Variants in MICALL2 observed in about 807,000 individuals in gnomAD.
MICALL2 encodes the protein MICAL-like protein 2.
Under a neutral mutation model 91.1 loss-of-function variants are expected in MICALL2, and 111 were observed. The ratio of observed to expected loss-of-function variants is 1.22; its 90% CI spans 1.04 to 1.43. The LOEUF is 1.43. Ranked by LOEUF, MICALL2 falls within the 40% of genes most tolerant of loss-of-function variation. MICALL2 has a pLI of 0.00. For synonymous variants in MICALL2, 694 were observed against 525.3 expected (o/e 1.32, Z -4.39); for missense variants, 1,556 against 1,236.0 (o/e 1.26, Z -3.88).
At chr7:1,442,659 C>G (rs953014147) in intron 6 of MICALL2, among the ~76,000 whole-genome samples, 175 bp from the exon 7 acceptor site, 3 of 149,500 alleles carry the variant, frequency 2.0e-5, no homozygotes, top group African/African-American at 7.4e-5. Flanking sequence ...CAGGCCACCC[C>G]TCCGCCTCCC....
rs1018670838 is a variant in MICALL2, at chr7:1,437,759, CA to C, written c.2402+130del. The C allele has an allele frequency of 3.0e-5, 37 of 1,216,292 alleles. No homozygotes were observed. The African/African-American group carries it at 5.5e-4, about 18-fold the overall frequency. 75.3% of individuals were successfully genotyped at this position (1,216,292 alleles called of 1,614,324 possible). A position where few individuals can be genotyped will look rare whatever the true frequency, so the allele number is the denominator to read the frequency against. ...TCCCCCGCCTGGCCCACCCAGACCG[CA>C]ACGAGGTCCTGGACCTGCCGCACAG... On this transcript the variant is annotated intron_variant, in intron 13 of 16. Coordinates refer to ENST00000297508, the MANE Select transcript of MICALL2 (RefSeq NM_182924.4).
chr7:1,437,736 C>A (rs1204060925), intron 13 of MICALL2, 128 bp from the exon 14 acceptor site: 8 of 1,232,190 alleles, frequency 6.5e-6, no homozygotes, highest in Non-Finnish European at 9.2e-6. Context: ...GCCGCCCGTC[C>A]CCCGCCTGGC....
chr7:1,455,194 C>A (rs1780969272), intron 1 of MICALL2, among the ~76,000 whole-genome samples: 1 of 152,236 alleles, frequency 6.6e-6, no homozygotes, highest in Non-Finnish European at 1.5e-5. Flanking sequence ...GAGGGCTGTG[C>A]CTGGAGACCT....
chr7:1,445,507 G>A, intron 5 of MICALL2, 79 bp from the exon 6 acceptor site: 3 of 1,342,756 alleles, frequency 2.2e-6, no homozygotes, highest in African/African-American at 1.5e-5. Flanking sequence ...CCTGATAGCA[G>A]GCATTGCGGA....
chr7:1,442,156 C>G, intron 7 of MICALL2, 36 bp downstream of exon 7: 1 of 1,603,500 alleles, frequency 6.2e-7, no homozygotes, highest in Non-Finnish European at 8.5e-7. Flanking sequence ...GAGCTGCGGG[C>G]CCCCGGGGCC....
At position 1,459,452 on chromosome 7, in the gene MICALL2, G is replaced by C; in HGVS notation, c.-126C>G. The C allele has an allele frequency of 1.1e-6, 1 of 926,688 alleles. No homozygotes were observed. The highest frequency in any genetic ancestry group is 1.5e-6 in the Non-Finnish European group (1 of 683,272). The allele number at this position is 926,688 out of a possible 1,614,324, so 57.4% of individuals were successfully genotyped here. ...GGAACCGCCAGACCCACGGCGCCCA[G>C]CCCCAGCTGAGCCGGACTGAGGGCG... On this transcript the variant is annotated 5_prime_UTR_variant, in exon 1 of 17. Coordinates refer to ENST00000297508, the MANE Select transcript of MICALL2 (RefSeq NM_182924.4).
At chr7:1,443,965 G>C (rs1444129246) in intron 6 of MICALL2, among the ~76,000 whole-genome samples, 1 of 152,102 alleles carries the variant, frequency 6.6e-6, no homozygotes, top group Non-Finnish European at 1.5e-5. Context: ...TCAGGGCCTG[G>C]CTGGACTCAG....
chr7:1,439,534 TGGACACGC>T (rs1224420460), intron 9 of MICALL2: 1 of 202,984 alleles, frequency 4.9e-6, no homozygotes, highest in East Asian at 1.2e-4. Flanking sequence ...CACAGACACA[TGGACACGC>T]ATCACACATG....
At chr7:1,434,822 C>A in intron 16 of MICALL2, 150 bp from the exon 17 acceptor site, 1 of 850,978 alleles carries the variant, frequency 1.2e-6, no homozygotes, top group Non-Finnish European at 1.8e-6. Context: ...TGTGCCCTCC[C>A]ACGTGAGAAC....
At chr7:1,442,897 G>A (rs1442692686) in intron 6 of MICALL2, among the ~76,000 whole-genome samples, 2 of 152,078 alleles carry the variant, frequency 1.3e-5, no homozygotes, top group African/African-American at 4.8e-5. Context: ...GGGCCGGCCT[G>A]GGCTGCCAGG....
chr7:1,456,324 A>G (rs370367519), intron 1 of MICALL2, among the ~76,000 whole-genome samples: 1 of 152,004 alleles, frequency 6.6e-6, no homozygotes, highest in Non-Finnish European at 1.5e-5. Flanking sequence ...GCTCGCGCCC[A>G]TAACCCCAGA....
Position 1,459,361 on chromosome 7 carries a change from C to T in MICALL2, c.-35G>A. On this transcript the variant is annotated 5_prime_UTR_variant, in exon 1 of 17. Coordinates refer to ENST00000297508, the MANE Select transcript of MICALL2 (RefSeq NM_182924.4). ...GCGCCCGCCGCGCGGCGGAACCGCCCTCCGACACCTTCCCGCGGCTGTGCC... is the reference window on the plus strand; with the variant it reads ...GCGCCCGCCGCGCGGCGGAACCGCCTTCCGACACCTTCCCGCGGCTGTGCC... 6.9e-7 allele frequency: 1 copy of T among 1,455,992 alleles called. No homozygotes were observed. Among genetic ancestry groups the T allele is most frequent in the Non-Finnish European group, 9.1e-7 (1 of 1,104,582 alleles). The allele number at this position is 1,455,992 out of a possible 1,614,324, so 90.2% of individuals were successfully genotyped here.
Position 1,437,872 on chromosome 7 carries a change from C to A in MICALL2, c.2402+18G>T. 1 of 1,546,870 alleles carries A rather than the reference C, an allele frequency of 6.5e-7. No individual in the cohort carries two copies. The highest frequency in any genetic ancestry group is 8.7e-7 in the Non-Finnish European group (1 of 1,145,192). ...GAGGTCCTGGCCTTCGAGGAGGGGC[C>A]CACGGCTGGGCTCTCACTTGTACAT... On this transcript the variant is annotated intron_variant, in intron 13 of 16. Transcript: ENST00000297508.
At chr7:1,447,871 G>A in intron 3 of MICALL2, 106 bp from the exon 4 acceptor site, 2 of 892,678 alleles carry the variant, frequency 2.2e-6, no homozygotes, top group Admixed American at 3.7e-5. Context: ...GCCCGGGGGG[G>A]ACCTGGGGGC....
intron 7 of MICALL2, 94 bp from the exon 8 acceptor site, chr7:1,440,778 T>A: frequency 9.6e-7 from 1 of 1,044,810 alleles, no homozygotes; most frequent in Admixed American, 1.9e-5. Context: ...CATCTTCCCA[T>A]AGCCACTCCA....
Position 1,444,820 on chromosome 7 carries a change from CG to C in MICALL2, c.1249del (p.Arg417GlyfsTer80). The C allele has an allele frequency of 6.2e-7, 1 of 1,610,428 alleles. No individual in the cohort carries two copies. The highest frequency in any genetic ancestry group is 8.5e-7 in the Non-Finnish European group (1 of 1,179,010). Reference protein sequence around the residue: ...TPSASRTQQARNKFFQTSAVP... With the variant: ...TPSASRTQQAXNKFFQTSAVP... ...TGCTGATGTTTGGAAAAACTTATTC[CG>C]GGCCTGCTGGGTCCTGGAGGCGGAC... is the stretch of plus-strand genomic sequence containing the variant. On this transcript the variant is annotated frameshift_variant, in exon 6 of 17. Coordinates refer to ENST00000297508, the MANE Select transcript of MICALL2 (RefSeq NM_182924.4). LOFTEE classifies it high-confidence loss of function.
chr7:1,435,087 C>A lies in MICALL2; in HGVS notation c.2638+14G>T. On this transcript the variant is annotated intron_variant, in intron 16 of 16. Coordinates refer to ENST00000297508, the MANE Select transcript of MICALL2 (RefSeq NM_182924.4). ...GCCAGCCAGCCCAGCCCTCAGCATC[C>A]CCGGCCCAGTCACCCAGCTTCTCAA... 2 of 1,612,618 alleles carry A rather than the reference C, an allele frequency of 1.2e-6. No homozygotes were observed. The highest frequency in any genetic ancestry group is 1.7e-6 in the Non-Finnish European group (2 of 1,179,666).
intron 9 of MICALL2, 28 bp from the exon 10 acceptor site, chr7:1,439,023 C>T (rs369034417): frequency 2.7e-4 from 424 of 1,549,500 alleles, no homozygotes; most frequent in Non-Finnish European, 3.3e-4. Flanking sequence ...GACAGAGCCA[C>T]GCTTCAGAGC....
In MICALL2 at chr7:1,445,582, A is replaced by G. The variant is rs578007510; in HGVS notation, c.642-154T>C. On this transcript the variant is annotated intron_variant, in intron 5 of 16. Coordinates refer to ENST00000297508, the MANE Select transcript of MICALL2 (RefSeq NM_182924.4). ...GCCACGCATTCACCACGTGCTCCTG[A>G]GAGCAGGCATTGCGGACTCCTGTGT... Among the ~76,000 whole-genome samples the G allele has an allele frequency of 3.9e-5, 6 of 152,106 alleles. 1 individual carries two copies. The highest frequency in any genetic ancestry group is 1.4e-4 in the African/African-American group (6 of 41,466).
Sources: gnomAD v4.1 joint callset for allele counts (sites outside exome capture counted in the v4.1 genomes callset) on GRCh38, gnomAD v4.1.1 for gene constraint, MANE v1.5 for transcripts, NCBI Gene and HGNC (gene_info 2026-07-23, HGNC 2026-07-21) for gene names.